ESCO1: variants seen among roughly 807,000 people sequenced by gnomAD.
ESCO1 encodes N-acetyltransferase ESCO1.
In ESCO1, 33 loss-of-function variants were observed where a neutral mutation model predicts 83.5. That is an observed-to-expected ratio of 0.40 (90% CI 0.30 to 0.53). ESCO1 has a LOEUF of 0.53. Ranked by LOEUF, ESCO1 falls within the 20% of genes least tolerant of loss-of-function variation. The pLI is 0.63. For missense variants in ESCO1, 855 were observed against 968.0 expected (o/e 0.88, Z 1.55); for synonymous variants, 332 against 324.3 (o/e 1.02, Z -0.25).
chr18:21,568,432 A>G (rs2038292696), intron 4 of ESCO1, among the ~76,000 whole-genome samples: 1 of 152,158 alleles, frequency 6.6e-6, no homozygotes, highest in Admixed American at 6.6e-5. Flanking sequence ...AAAAAAGGAA[A>G]TATCTCTTCC....
chr18:21,591,921 A>G (rs1457374741), intron 1 of ESCO1, among the ~76,000 whole-genome samples: 1 of 151,222 alleles, frequency 6.6e-6, no homozygotes, highest in Non-Finnish European at 1.5e-5. Context: ...CACATCTTGC[A>G]CTGCCCTTAA....
At chr18:21,562,673 C>A (rs1168796682) in intron 7 of ESCO1, among the ~76,000 whole-genome samples, 1 of 151,802 alleles carries the variant, frequency 6.6e-6, no homozygotes, top group African/African-American at 2.4e-5. Flanking sequence ...ATTATGTTGA[C>A]TGTAACTACA....
At chr18:21,538,935 G>A (rs2037870131) in intron 9 of ESCO1, among the ~76,000 whole-genome samples, 1 of 151,630 alleles carries the variant, frequency 6.6e-6, no homozygotes, top group Admixed American at 6.6e-5. Context: ...TTTACCTTTT[G>A]GTTCCTGATT....
chr18:21,548,993 C>T (rs1459108199), intron 8 of ESCO1, among the ~76,000 whole-genome samples: 1 of 151,862 alleles, frequency 6.6e-6, no homozygotes, highest in Non-Finnish European at 1.5e-5. Context: ...TTATTAACAG[C>T]TACAGAGTTT....
At chr18:21,583,720 G>A (rs1279401512) in intron 2 of ESCO1, among the ~76,000 whole-genome samples, 1 of 152,156 alleles carries the variant, frequency 6.6e-6, no homozygotes, top group Non-Finnish European at 1.5e-5. Flanking sequence ...GTCATTGCCT[G>A]GGATGAAGAG....
chr18:21,537,072 A>G (rs1199486197), intron 9 of ESCO1, among the ~76,000 whole-genome samples: 1 of 152,208 alleles, frequency 6.6e-6, no homozygotes, highest in Non-Finnish European at 1.5e-5. Context: ...GATATTAGAC[A>G]TCTAGAAAAT....
At chr18:21,568,428 G>A (rs867184977) in intron 4 of ESCO1, among the ~76,000 whole-genome samples, 13 of 152,016 alleles carry the variant, frequency 8.6e-5, no homozygotes, top group African/African-American at 3.1e-4. Context: ...TCAAAAAAAA[G>A]GAAATATCTC....
intron 1 of ESCO1, among the ~76,000 whole-genome samples, chr18:21,591,895 C>A (rs1389951487): frequency 6.6e-6 from 1 of 151,154 alleles, no homozygotes; most frequent in Non-Finnish European, 1.5e-5. Context: ...TGCCTTCAAG[C>A]ATCTGTTTAA....
At chr18:21,561,339 G>C (rs965918845) in intron 7 of ESCO1, among the ~76,000 whole-genome samples, 5 of 152,132 alleles carry the variant, frequency 3.3e-5, no homozygotes, top group Non-Finnish European at 7.4e-5. Flanking sequence ...AGTGTGTAGA[G>C]GAAAAAGTTT....
At chr18:21,566,769 A>T (rs1224207708) in intron 5 of ESCO1, among the ~76,000 whole-genome samples, 3 of 151,878 alleles carry the variant, frequency 2.0e-5, no homozygotes, top group Admixed American at 2.0e-4. Flanking sequence ...CTGAGGCAGG[A>T]GAACTGCTCG....
intron 6 of ESCO1, among the ~76,000 whole-genome samples, chr18:21,565,062 G>A (rs1690178541): frequency 6.6e-6 from 1 of 151,896 alleles, no homozygotes; most frequent in South Asian, 2.1e-4. Flanking sequence ...GCGACAGAGC[G>A]AGACTCCGTC....
chr18:21,540,236 G>A (rs2037888706), intron 8 of ESCO1, among the ~76,000 whole-genome samples: 2 of 152,046 alleles, frequency 1.3e-5, no homozygotes, highest in Admixed American at 1.3e-4. Context: ...CTCATTCAGA[G>A]ATATATCTAA....
At chr18:21,540,814 T>C (rs1170191922) in intron 8 of ESCO1, 14 of 833,436 alleles carry the variant, frequency 1.7e-5, no homozygotes, top group South Asian at 3.6e-5. Context: ...AGGAATGAGC[T>C]TAACTAGTTG....
chr18:21,542,511 C>G (rs2037919160), intron 8 of ESCO1, among the ~76,000 whole-genome samples: 1 of 152,160 alleles, frequency 6.6e-6, no homozygotes, highest in African/African-American at 2.4e-5. Context: ...TGGCTATCAT[C>G]ACCTCCATCA....
intron 9 of ESCO1, among the ~76,000 whole-genome samples, chr18:21,537,243 T>TC: frequency 6.6e-6 from 1 of 152,272 alleles, no homozygotes; most frequent in East Asian, 1.9e-4. Context: ...ATTAGTTCCT[T>TC]CCCCAGTTAA....
Position 21,536,105 on chromosome 18 carries a change from T to C in ESCO1, c.2124A>G (p.Thr708=). 1 of 1,614,138 alleles carries C rather than the reference T, an allele frequency of 6.2e-7. No individual in the cohort carries two copies. Among genetic ancestry groups the C allele is most frequent in the African/African-American group, 1.3e-5 (1 of 75,058 alleles). Reference sequence around the variant, plus strand: ...TTTTGTCATTGGAAATGAAGAGAAGTGTTTTAGTTCTGGAATAGCACATTA... The same window carrying C: ...TTTTGTCATTGGAAATGAAGAGAAGCGTTTTAGTTCTGGAATAGCACATTA... ...APLMCYSRTK[T]LLFISNDKKV... Residue 708 remains threonine, a synonymous_variant, in exon 10 of 12, where the codon ACA becomes ACG. Transcript: ENST00000269214.
intron 6 of ESCO1, 35 bp from the exon 7 acceptor site, chr18:21,564,352 C>T (rs2038230232): frequency 2.2e-6 from 3 of 1,349,036 alleles, no homozygotes; most frequent in Non-Finnish European, 3.1e-6. Context: ...TGTTACAGAT[C>T]CAAGTCATTT....
intron 2 of ESCO1, among the ~76,000 whole-genome samples, chr18:21,577,311 C>G (rs1237774923): frequency 7.8e-6 from 1 of 128,776 alleles, no homozygotes; most frequent in Non-Finnish European, 1.6e-5. Flanking sequence ...GAACTGAGAT[C>G]ATGCCATTGC....
At chr18:21,544,377 C>A (rs2037944370) in intron 8 of ESCO1, among the ~76,000 whole-genome samples, 1 of 151,306 alleles carries the variant, frequency 6.6e-6, no homozygotes, top group South Asian at 2.1e-4. Flanking sequence ...GGGGCCAAGG[C>A]AGGCGGATTA....
Sources: gnomAD v4.1 joint callset for allele counts (sites outside exome capture counted in the v4.1 genomes callset) on GRCh38, gnomAD v4.1.1 for gene constraint, MANE v1.5 for transcripts, NCBI Gene and HGNC (gene_info 2026-07-23, HGNC 2026-07-21) for gene names.